Variants in ZNF676 observed in about 807,000 individuals in gnomAD.
ZNF676 encodes the protein zinc finger protein 676.
Under a neutral mutation model 6.0 loss-of-function variants are expected in ZNF676, and 4 were observed. That is an observed-to-expected ratio of 0.67 (90% confidence interval 0.33 to 1.53). The LOEUF (loss-of-function observed/expected upper bound fraction) is 1.53, where lower values mean the gene tolerates loss of function less well. Ranked by LOEUF, ZNF676 falls within the 40% of genes most tolerant of loss-of-function variation. The probability of loss-of-function intolerance (pLI) is 0.06; values close to 1 mark genes in which losing one functional copy is unlikely to be tolerated. For synonymous variants in ZNF676, 198 were observed against 223.1 expected, an observed-to-expected ratio of 0.89 and a Z score of 1.00; for missense variants, 644 against 679.7, an observed-to-expected ratio of 0.95 and a Z score of 0.58.
chr19:22,209,054 CAGG>C (rs1243342544), intron 1 of ZNF676, among the ~76,000 whole-genome samples: 2 of 152,154 alleles, frequency 1.3e-5, no homozygotes, highest in African/African-American at 4.8e-5. Flanking sequence ...CACCTGAAGT[CAGG>C]AGTTCAAGAC....
upstream of ZNF676, among the ~76,000 whole-genome samples, chr19:22,197,583 T>C (rs1049145086): frequency 7.2e-5 from 11 of 152,112 alleles, no homozygotes; most frequent in Non-Finnish European, 1.2e-4. Context: ...AGTAATAGAA[T>C]GAGCCTGTGT....
chr19:22,218,011 G>C (rs2024211610), upstream of ZNF676, among the ~76,000 whole-genome samples: 1 of 152,018 alleles, frequency 6.6e-6, no homozygotes. Context: ...GCCAATGATG[G>C]TCATTCTTGC....
At chr19:22,207,882 CTAGCACTATG>C (rs1354226374) in intron 1 of ZNF676, among the ~76,000 whole-genome samples, 2 of 151,638 alleles carry the variant, frequency 1.3e-5, no homozygotes, top group Non-Finnish European at 2.9e-5. Context: ...GAATAACTAG[CTAGCACTATG>C]TAGCAGACTG....
Position 22,203,122 on chromosome 19 carries a change from C to G in ZNF676, c.4-6396G>C, listed in dbSNP as rs533129972. 3.6e-3 allele frequency: 609 copies of G among 168,988 alleles called. 4 individuals carry two copies. The highest frequency in any genetic ancestry group is 9.3e-3 in the Middle Eastern group (3 of 324). 10.5% of individuals were successfully genotyped at this position (168,988 alleles called of 1,614,324 possible). On this transcript the variant is annotated intron_variant, in intron 1 of 3. Transcript: ENST00000650058. ...CATTTGCCACAGCAGCACTCCAGTG[C>G]CACATCAGACAGTGAAGCCTGAGCA...
At chr19:22,186,530 C>T (rs1160131716) in intron 2 of ZNF676, among the ~76,000 whole-genome samples, 3 of 152,126 alleles carry the variant, frequency 2.0e-5, no homozygotes, top group Non-Finnish European at 4.4e-5. Flanking sequence ...TCACACATAA[C>T]AATATTAACC....
chr19:22,200,115 G>T (rs1159133437), upstream of ZNF676, among the ~76,000 whole-genome samples: 4 of 152,006 alleles, frequency 2.6e-5, no homozygotes, highest in Non-Finnish European at 4.4e-5. Context: ...GGGGGGTATT[G>T]TAAGTTCTTT....
chr19:22,182,608 CA>C (rs140776570), intron 2 of ZNF676, among the ~76,000 whole-genome samples: 1 of 75,234 alleles, frequency 1.3e-5, no homozygotes, highest in Non-Finnish European at 2.5e-5. Context: ...AAAAAGCAAA[CA>C]AAAAAAAGAA....
the ZNF676 span, among the ~76,000 whole-genome samples, chr19:22,254,036 T>G: frequency 6.6e-6 from 1 of 152,234 alleles, no homozygotes; most frequent in Non-Finnish European, 1.5e-5. Context: ...ACCTGTGAGC[T>G]GGACAAAATA....
chr19:22,198,721 T>A (rs2023996441), upstream of ZNF676, among the ~76,000 whole-genome samples: 1 of 151,962 alleles, frequency 6.6e-6, no homozygotes, highest in South Asian at 2.1e-4. Flanking sequence ...GCAGAAGAGA[T>A]GAAGAAACAA....
chr19:22,211,322 C>T (rs1457785485), intron 1 of ZNF676, among the ~76,000 whole-genome samples: 1 of 152,112 alleles, frequency 6.6e-6, no homozygotes, highest in East Asian at 1.9e-4. Flanking sequence ...GCAGGAAAGG[C>T]TTTCCAGAAG....
the ZNF676 span, among the ~76,000 whole-genome samples, chr19:22,255,787 G>A: frequency 6.6e-6 from 1 of 151,646 alleles, no homozygotes; most frequent in African/African-American, 2.4e-5. Context: ...AGAGCTTGCA[G>A]TGAGCCGAGA....
the ZNF676 span, among the ~76,000 whole-genome samples, chr19:22,249,559 T>C: frequency 6.6e-5 from 10 of 152,030 alleles, no homozygotes; most frequent in African/African-American, 2.2e-4. Flanking sequence ...ATTACAGGCA[T>C]GTGCCACCAT....
At chr19:22,182,320 CT>C (rs1490323695) in intron 2 of ZNF676, among the ~76,000 whole-genome samples, 1 of 151,818 alleles carries the variant, frequency 6.6e-6, no homozygotes, top group East Asian at 1.9e-4. Context: ...GACAGGTGGC[CT>C]TTTTAAATGT....
chr19:22,182,078 G>A (rs903650556), intron 2 of ZNF676, among the ~76,000 whole-genome samples: 10 of 152,118 alleles, frequency 6.6e-5, no homozygotes, highest in Non-Finnish European at 2.9e-5. Context: ...GTTTGAGCCT[G>A]CTGAGATCAA....
the ZNF676 span, among the ~76,000 whole-genome samples, chr19:22,223,273 G>T: frequency 1.3e-5 from 2 of 152,192 alleles, no homozygotes; most frequent in Non-Finnish European, 2.9e-5. Context: ...CTTTAGCAGA[G>T]TTTCACAACT....
At chr19:22,216,114 C>G (rs1331805079), upstream of ZNF676, among the ~76,000 whole-genome samples, 1 of 152,162 alleles carries the variant, frequency 6.6e-6, no homozygotes. Context: ...AAGAGTAAAT[C>G]AATTTTTACT....
In ZNF676 at chr19:22,181,456, A is replaced by T; in HGVS notation, c.261T>A (p.Asn87Lys). Residue 87 changes from asparagine to lysine, a missense_variant, in exon 3 of 3, where the codon AAT becomes AAA. This residue lies in a region of ZNF676 where 280 missense variants were observed against 269.3 expected (regional missense o/e 1.04). Coordinates refer to ENST00000397121, the MANE Select transcript of ZNF676 (RefSeq NM_001001411.3). Reference protein sequence around the residue: ...ENLHLKISCTNVDECNVHKEG... With the variant: ...ENLHLKISCTKVDECNVHKEG... ...CTTTGTGCACGTTACACTCATCCACATTGGTACAACTAATTTTTAAGTGTA... is the reference window on the plus strand; with the variant it reads ...CTTTGTGCACGTTACACTCATCCACTTTGGTACAACTAATTTTTAAGTGTA... The T allele has an allele frequency of 6.2e-7, 1 of 1,613,700 alleles. No individual in the cohort carries two copies. The highest frequency in any genetic ancestry group is 8.5e-7 in the Non-Finnish European group (1 of 1,179,800).
chr19:22,183,167 T>A (rs1282798358), intron 2 of ZNF676, among the ~76,000 whole-genome samples: 1 of 150,832 alleles, frequency 6.6e-6, no homozygotes, highest in Non-Finnish European at 1.5e-5. Context: ...TGAAAGCATA[T>A]CAATACGAAA....
At chr19:22,220,645 TG>T (rs1332011737), upstream of ZNF676, among the ~76,000 whole-genome samples, 1 of 151,960 alleles carries the variant, frequency 6.6e-6, no homozygotes, top group East Asian at 1.9e-4. Context: ...TTAGTAGAGA[TG>T]GGGTTTTGCC....
Sources: gnomAD v4.1 joint callset for allele counts (sites outside exome capture counted in the v4.1 genomes callset) on GRCh38, gnomAD v4.1.1 for gene constraint, gnomAD v4.1.1 regional missense constraint, MANE v1.5 for transcripts, NCBI Gene and HGNC (gene_info 2026-07-23, HGNC 2026-07-21) for gene names.